The following EIF5 variants were observed in gnomAD, a reference collection of about 807,000 sequenced individuals.
EIF5 encodes eukaryotic translation initiation factor 5.
A neutral mutation model predicts 48.3 loss-of-function variants in EIF5; 10 were observed. The ratio of observed to expected loss-of-function variants is 0.21; its 90% CI spans 0.13 to 0.35. The LOEUF is 0.35. Among genes scored for constraint, EIF5 ranks in the 10% least tolerant of loss-of-function variants. EIF5 has a pLI of 1.00. For missense variants in EIF5, 397 were observed against 533.2 expected (o/e 0.74, Z 2.51); for synonymous variants, 237 against 173.1 (o/e 1.37, Z -2.90).
In EIF5 at chr14:103,341,235, C is replaced by T. The variant is rs2089349461; in HGVS notation, c.*183C>T. The T allele has an allele frequency of 8.8e-6, 5 of 565,708 alleles. No homozygotes were observed. Among genetic ancestry groups the T allele is most frequent in the South Asian group, 8.6e-5 (4 of 46,390 alleles). The allele number at this position is 565,708 out of a possible 1,614,324, so 35.0% of individuals were successfully genotyped here. On this transcript the variant is annotated 3_prime_UTR_variant, in exon 12 of 12. Transcript: ENST00000216554. ...CAATGAGACATCTAGGGAGTCCATA[C>T]ACATCAGTGAGCAGATGTAGTTTGC...
At chr14:103,337,013 G>GA (rs2089294650) in intron 5 of EIF5, 103 bp from the exon 6 acceptor site, 2 of 1,360,230 alleles carry the variant, frequency 1.5e-6, no homozygotes, top group African/African-American at 3.0e-5. Context: ...GTCACTGTGT[G>GA]AAAAAAGTTT....
In EIF5 at chr14:103,338,435, C is replaced by A. The variant is rs1196123707; in HGVS notation, c.548C>A (p.Pro183Gln). ...AGCAGTGAGACACCACCACCACCACCACCACCAAATGAAATTAATCCTCCT... is the reference window on the plus strand; with the variant it reads ...AGCAGTGAGACACCACCACCACCACAACCACCAAATGAAATTAATCCTCCT... ...VSSSETPPPPPPPNEINPPPH... is the reference protein window; with the variant it reads ...VSSSETPPPPQPPNEINPPPH... The change falls in exon 7 of 12, where the codon CCA (proline) becomes CAA (glutamine). Residue 183 changes from proline (P) to glutamine (Q), a missense_variant. This residue lies in a region of EIF5 where 126 missense variants were observed against 141.9 expected (regional missense o/e 0.89). Coordinates refer to ENST00000216554, the MANE Select transcript of EIF5 (RefSeq NM_001969.5). 1.3e-6 allele frequency: 2 copies of A among 1,591,112 alleles called. No individual in the cohort carries two copies. Among genetic ancestry groups the A allele is most frequent in the African/African-American group, 2.7e-5 (2 of 73,820 alleles).
rs547626594 is a variant in EIF5, at chr14:103,339,746, G to A, written c.1014G>A (p.Lys338=). Residue 338 remains lysine (K), a synonymous_variant, in exon 10 of 12, where the codon AAG becomes AAA. Transcript: ENST00000216554. The part of the protein sequence containing the change: ...QLISKIPHIL[K]EMYDADLLEE... ...TCTCCAAGATTCCACATATCTTGAAGGAGATGTACGATGCAGACCTTTTAG... is the reference window on the plus strand; with the variant it reads ...TCTCCAAGATTCCACATATCTTGAAAGAGATGTACGATGCAGACCTTTTAG... 1.2e-6 allele frequency: 2 copies of A among 1,614,234 alleles called. No homozygotes were observed. Among genetic ancestry groups the A allele is most frequent in the South Asian group, 2.2e-5 (2 of 91,088 alleles).
intron 2 of EIF5, 117 bp from the exon 3 acceptor site, chr14:103,335,536 C>T (rs1418379687): frequency 2.6e-6 from 1 of 379,132 alleles, no homozygotes; most frequent in Non-Finnish European, 4.9e-6. Flanking sequence ...ATCTCAGATG[C>T]TTTTTAAGGT....
intron 6 of EIF5, 63 bp downstream of exon 6, chr14:103,337,290 TAGA>T (rs748221021): frequency 1.7e-4 from 238 of 1,400,148 alleles, no homozygotes; most frequent in Admixed American, 1.5e-3. Flanking sequence ...GGGAACAAAA[TAGA>T]AGGTTTTTTT....
Position 103,342,028 on chromosome 14 carries a change from G to A in EIF5, c.*976G>A, listed in dbSNP as rs2089358960. ...CTTTAATTTTCCCCTCTTGCAGTTT[G>A]TTCTGTAATGCCTTTTACATTTGGA... On this transcript the variant is annotated 3_prime_UTR_variant, in exon 12 of 12. Coordinates refer to ENST00000216554, the MANE Select transcript of EIF5 (RefSeq NM_001969.5). 6.6e-6 allele frequency: 1 copy of A among 152,472 alleles called. No individual in the cohort carries two copies. Among genetic ancestry groups the A allele is most frequent in the African/African-American group, 2.4e-5 (1 of 41,390 alleles). 9.4% of individuals were successfully genotyped at this position (152,472 alleles called of 1,614,324 possible).
At position 103,342,717 on chromosome 14, in the gene EIF5, G is replaced by A. The variant is rs1386597464; in HGVS notation, c.*1665G>A. On this transcript the variant is annotated 3_prime_UTR_variant, in exon 12 of 12. Coordinates refer to ENST00000216554, the MANE Select transcript of EIF5 (RefSeq NM_001969.5). ...CTCCAGCTGCCTTTGATCAAGATTC[G>A]GGTGCAAGTGGAGCAGGAGCCATAT... The A allele has an allele frequency of 1.3e-5, 2 of 152,614 alleles. No homozygotes were observed. The highest frequency in any genetic ancestry group is 2.4e-5 in the African/African-American group (1 of 41,418). The allele number at this position is 152,614 out of a possible 1,614,324, so 9.5% of individuals were successfully genotyped here.
rs759168749 is a variant in EIF5 at position 103,338,320 on chromosome 14, TC to T, written c.440-6del. The stretch of plus-strand genomic sequence containing the variant: ...GGTTAAATTTTTATTTCCCTTTTTT[TC>T]TGTAGAGAATAGTGACAGTGGTACA... On this transcript the variant is annotated splice_region_variant and splice_polypyrimidine_tract_variant and intron_variant, in intron 6 of 11. Coordinates refer to ENST00000216554, the MANE Select transcript of EIF5 (RefSeq NM_001969.5). The T allele has an allele frequency of 5.0e-6, 8 of 1,609,682 alleles. No individual in the cohort carries two copies. In the South Asian group the frequency reaches 8.8e-5, roughly 18 times the overall value.
rs2089370613 is a variant in EIF5, at chr14:103,342,913, A to G, written c.*1861A>G. 1 of 152,662 alleles carries G rather than the reference A, an allele frequency of 6.6e-6. No individual in the cohort carries two copies. The highest frequency in any genetic ancestry group is 1.5e-5 in the Non-Finnish European group (1 of 68,036). The allele number at this position is 152,662 out of a possible 1,614,324, so 9.5% of individuals were successfully genotyped here. A position where few individuals can be genotyped will look rare whatever the true frequency, so the allele number is the denominator to read the frequency against. ...AGTTGCACTCAGCATACTCAGTGTC[A>G]AGCTAATGAGGTTCTATTATAAAGG... On this transcript the variant is annotated 3_prime_UTR_variant, in exon 12 of 12. Transcript: ENST00000216554.
In EIF5 at chr14:103,337,247, C is replaced by T. The variant is rs1197804938; in HGVS notation, c.439+20C>T. 6.4e-7 allele frequency: 1 copy of T among 1,568,660 alleles called. No homozygotes were observed. The highest frequency in any genetic ancestry group is 8.7e-7 in the Non-Finnish European group (1 of 1,149,878). ...CACCTGGTGAGTCTTCCATGATGAA[C>T]TCCTAAGATCCTAAGATAAGTTACT... On this transcript the variant is annotated intron_variant, in intron 6 of 11. Transcript: ENST00000216554.
chr14:103,337,594 T>G, intron 6 of EIF5: 1 of 329,866 alleles, frequency 3.0e-6, no homozygotes, highest in Non-Finnish European at 5.7e-6. Context: ...AGCGACTCTG[T>G]CTCAAAAAAA....
chr14:103,335,250 A>G lies in EIF5; in HGVS notation c.-208-403A>G, dbSNP rs371258509. On this transcript the variant is annotated intron_variant, in intron 2 of 11. Transcript: ENST00000216554. ...ACAGTTCCCTAGGTTGCCCTTAAAAATGAAGACGAACGGGGGTGTGCCTGA... is the reference window on the plus strand; with the variant it reads ...ACAGTTCCCTAGGTTGCCCTTAAAAGTGAAGACGAACGGGGGTGTGCCTGA... 5.8e-5 allele frequency: 9 copies of G among 154,330 alleles called. 1 individual carries two copies. In the East Asian group the frequency reaches 7.7e-4, roughly 13 times the overall value. 9.6% of individuals were successfully genotyped at this position (154,330 alleles called of 1,614,324 possible). A position where few individuals can be genotyped will look rare whatever the true frequency, so the allele number is the denominator to read the frequency against.
At position 103,338,352 on chromosome 14, in the gene EIF5, G is replaced by A; in HGVS notation, c.465G>A (p.Lys155=). Residue 155 remains lysine (K), a synonymous_variant, in exon 7 of 12, where the codon AAG becomes AAA. Transcript: ENST00000216554. ...PPENSDSGTG[K]KEKEKKNRKG... ...AGAATAGTGACAGTGGTACAGGAAA[G>A]AAAGAAAAAGAAAAGAAAAACAGAA... is the stretch of plus-strand genomic sequence containing the variant. The A allele has an allele frequency of 1.2e-6, 2 of 1,613,916 alleles. No individual in the cohort carries two copies. The highest frequency in any genetic ancestry group is 1.1e-5 in the South Asian group (1 of 91,058).
chr14:103,341,076 A>G lies in EIF5; in HGVS notation c.*24A>G. 1 of 1,611,108 alleles carries G rather than the reference A, an allele frequency of 6.2e-7. No individual in the cohort carries two copies. Among genetic ancestry groups the G allele is most frequent in the Non-Finnish European group, 8.5e-7 (1 of 1,177,376 alleles). ...AAAGGGATGGATGCAACCTAGCTTA[A>G]CAGTATAATGCTGCAAATTTTCCTC... On this transcript the variant is annotated 3_prime_UTR_variant, in exon 12 of 12. Transcript: ENST00000216554.
chr14:103,340,597 C>G, intron 11 of EIF5, 36 bp downstream of exon 11: 2 of 1,582,594 alleles, frequency 1.3e-6, no homozygotes, highest in Non-Finnish European at 1.7e-6. Flanking sequence ...GGATACAGTG[C>G]TGGCATGGGT....
chr14:103,339,164 C>G lies in EIF5; in HGVS notation c.745-8C>G. ...CATTGCACTGAATTGTTTTCCTTTTCTTTGCAGAAAAAGAAAGAAGAGGGT... is the reference window on the plus strand; with the variant it reads ...CATTGCACTGAATTGTTTTCCTTTTGTTTGCAGAAAAAGAAAGAAGAGGGT... On this transcript the variant is annotated splice_region_variant and splice_polypyrimidine_tract_variant and intron_variant, in intron 8 of 11. Coordinates refer to ENST00000216554, the MANE Select transcript of EIF5 (RefSeq NM_001969.5). 2 of 1,600,068 alleles carry G rather than the reference C, an allele frequency of 1.2e-6. No individual in the cohort carries two copies. Among genetic ancestry groups the G allele is most frequent in the South Asian group, 2.3e-5 (2 of 88,160 alleles).
rs922069173 is a variant in EIF5, at chr14:103,342,694, C to G, written c.*1642C>G. The G allele has an allele frequency of 6.6e-6, 1 of 152,630 alleles. No homozygotes were observed. The highest frequency in any genetic ancestry group is 1.5e-5 in the Non-Finnish European group (1 of 68,042). 9.5% of individuals were successfully genotyped at this position (152,630 alleles called of 1,614,324 possible). On this transcript the variant is annotated 3_prime_UTR_variant, in exon 12 of 12. Transcript: ENST00000216554. Reference sequence around the variant, plus strand: ...TTATTGGAGAGACAAGAATTGGTCTCCAGCTGCCTTTGATCAAGATTCGGG... The same window carrying G: ...TTATTGGAGAGACAAGAATTGGTCTGCAGCTGCCTTTGATCAAGATTCGGG...
At chr14:103,340,085 G>A (rs113282476) in intron 10 of EIF5, among the ~76,000 whole-genome samples, 2,489 of 152,258 alleles carry the variant, frequency 0.016, 67 homozygotes, top group African/African-American at 0.056. Context: ...TCGAACACCT[G>A]ACCTCAGGTG....
At chr14:103,338,958 G>C in intron 8 of EIF5, 65 bp downstream of exon 8, 1 of 1,571,826 alleles carries the variant, frequency 6.4e-7, no homozygotes, top group South Asian at 1.2e-5. Context: ...TTAGATATAT[G>C]ATACTTTAGC....
Sources: allele counts gnomAD v4.1 joint callset (sites outside exome capture counted in the v4.1 genomes callset), GRCh38; gene constraint gnomAD v4.1.1; regional missense constraint gnomAD v4.1.1; transcripts MANE v1.5; gene names NCBI Gene and HGNC (gene_info 2026-07-23, HGNC 2026-07-21).